The following OSBPL10 variants were observed in gnomAD, a reference collection of about 807,000 sequenced individuals.
OSBPL10 encodes oxysterol binding protein like 10, also known as oxysterol-binding protein-related protein 10.
OSBPL10 carries 49 observed loss-of-function variants against 81.7 expected under a neutral mutation model. The ratio of observed to expected loss-of-function variants is 0.60; its 90% CI spans 0.48 to 0.76. The LOEUF is 0.76. OSBPL10 is among the 30% of genes least tolerant of loss of function. The pLI is 0.00. For missense variants in OSBPL10, 923 were observed against 987.8 expected, an observed-to-expected ratio of 0.93 and a Z score of 0.88; for synonymous variants, 419 against 383.6, an observed-to-expected ratio of 1.09 and a Z score of -1.08.
intron 4 of OSBPL10, among the ~76,000 whole-genome samples, chr3:31,791,156 T>G (rs546496292): frequency 1.3e-5 from 2 of 152,344 alleles, no homozygotes; most frequent in South Asian, 4.1e-4. Context: ...GAAGTGTCAT[T>G]TTAAACACTG....
intron 1 of OSBPL10, among the ~76,000 whole-genome samples, chr3:31,883,837 A>G (rs962083019): frequency 6.6e-6 from 1 of 152,224 alleles, no homozygotes; most frequent in Non-Finnish European, 1.5e-5. Flanking sequence ...TGCCACTCTT[A>G]CACAAAGGTA....
chr3:32,068,645 A>G (rs1250527425), intron 1 of OSBPL10, among the ~76,000 whole-genome samples: 1 of 152,058 alleles, frequency 6.6e-6, no homozygotes, highest in Non-Finnish European at 1.5e-5. Context: ...GGCACTTTTG[A>G]TTTCTCCATC....
chr3:31,722,977 C>T (rs1696694480), intron 6 of OSBPL10, among the ~76,000 whole-genome samples: 1 of 152,088 alleles, frequency 6.6e-6, no homozygotes, highest in Non-Finnish European at 1.5e-5. Context: ...TTGGAGCAAT[C>T]TAAAGAGCAC....
chr3:32,019,888 T>G (rs1296815393), intron 2 of OSBPL10, among the ~76,000 whole-genome samples: 1 of 152,212 alleles, frequency 6.6e-6, no homozygotes, highest in Non-Finnish European at 1.5e-5. Context: ...ATATAAAGTA[T>G]AACTATCAAT....
intron 11 of OSBPL10, 49 bp downstream of exon 11, chr3:31,664,030 G>A: frequency 6.2e-7 from 1 of 1,614,036 alleles, no homozygotes; most frequent in East Asian, 2.2e-5. Context: ...TACCCTCTCA[G>A]GACAAGTTCT....
chr3:31,926,839 G>C (rs147734551), intron 1 of OSBPL10, among the ~76,000 whole-genome samples: 131 of 152,342 alleles, frequency 8.6e-4, no homozygotes, highest in African/African-American at 2.9e-3. Context: ...GCCGGGCATG[G>C]TGGCTCATGC....
rs140809024 is a variant in OSBPL10 at position 31,732,917 on chromosome 3, G to C, written c.1095+340C>G. 1.1e-3 allele frequency: 317 copies of C among 300,276 alleles called. 2 individuals are homozygous for C. Among genetic ancestry groups the C allele is most frequent in the East Asian group, 5.9e-4 (5 of 8,528 alleles). The allele number at this position is 300,276 out of a possible 1,614,324, so 18.6% of individuals were successfully genotyped here. ...CGAAGAAGCCATTATTCAGGGGAGC[G>C]ACATAATATATTGTAACTGCTCCCA... is the stretch of plus-strand genomic sequence containing the variant. On this transcript the variant is annotated intron_variant, in intron 6 of 11. Coordinates refer to ENST00000396556, the MANE Select transcript of OSBPL10 (RefSeq NM_017784.5).
chr3:31,700,900 T>C (rs989199995), intron 7 of OSBPL10, among the ~76,000 whole-genome samples: 2 of 152,118 alleles, frequency 1.3e-5, no homozygotes, highest in African/African-American at 2.4e-5. Flanking sequence ...TCGTCATAGC[T>C]TGGTGTGCAA....
chr3:31,667,610 G>C (rs1375748137), intron 10 of OSBPL10, among the ~76,000 whole-genome samples: 1 of 152,202 alleles, frequency 6.6e-6, no homozygotes, highest in African/African-American at 2.4e-5. Flanking sequence ...TTTCTAAAGA[G>C]TGTATGCTCT....
At chr3:31,850,284 C>T (rs754583613) in intron 3 of OSBPL10, among the ~76,000 whole-genome samples, 3 of 151,714 alleles carry the variant, frequency 2.0e-5, no homozygotes, top group African/African-American at 4.8e-5. Context: ...CAGTGAGCTA[C>T]GATCATACCA....
intron 4 of OSBPL10, among the ~76,000 whole-genome samples, chr3:31,749,604 C>T (rs973011504): frequency 2.0e-5 from 3 of 152,064 alleles, no homozygotes; most frequent in African/African-American, 7.2e-5. Flanking sequence ...CACCTGAGGT[C>T]AGGAGCTCGA....
chr3:31,980,281 G>A (rs1575075150), intron 1 of OSBPL10, among the ~76,000 whole-genome samples: 1 of 152,028 alleles, frequency 6.6e-6, no homozygotes, highest in African/African-American at 2.4e-5. Context: ...GGATTACAGA[G>A]GTGAGCCACC....
intron 5 of OSBPL10, among the ~76,000 whole-genome samples, chr3:31,733,837 C>T (rs1303006131): frequency 6.6e-6 from 1 of 151,592 alleles, no homozygotes; most frequent in East Asian, 1.9e-4. Flanking sequence ...GGTGAAACTC[C>T]ATCTCTACTA....
intron 4 of OSBPL10, among the ~76,000 whole-genome samples, chr3:31,769,421 G>A (rs1405189617): frequency 9.9e-6 from 1 of 100,932 alleles, no homozygotes; most frequent in African/African-American, 3.5e-5. Context: ...CTCCAGCCTG[G>A]GCAACAAGAG....
At chr3:32,022,510 G>C (rs1381387328) in intron 2 of OSBPL10, among the ~76,000 whole-genome samples, 1 of 152,206 alleles carries the variant, frequency 6.6e-6, no homozygotes, top group African/African-American at 2.4e-5. Flanking sequence ...TTGAGGCCTG[G>C]CATGGTGGCT....
At chr3:31,933,226 C>G (rs1384819962) in intron 1 of OSBPL10, among the ~76,000 whole-genome samples, 1 of 152,112 alleles carries the variant, frequency 6.6e-6, no homozygotes, top group Non-Finnish European at 1.5e-5. Flanking sequence ...ATGAATAGAG[C>G]ACCAGTCCTG....
chr3:31,959,550 C>A (rs9847800), intron 1 of OSBPL10, among the ~76,000 whole-genome samples: 94,256 of 152,006 alleles, frequency 0.62, 30,931 homozygotes, highest in African/African-American at 0.84. Context: ...GCAGCTAATA[C>A]ATAAGCCAGA....
intron 3 of OSBPL10, among the ~76,000 whole-genome samples, chr3:31,840,968 G>C (rs1700478744): frequency 6.6e-6 from 1 of 152,202 alleles, no homozygotes. Flanking sequence ...GAGTGCAATG[G>C]CGTGATCTCG....
rs186062103 is a variant in OSBPL10 at position 32,077,287 on chromosome 3, C to T, written n.185+109G>A. On this transcript the variant is annotated intron_variant and non_coding_transcript_variant, in intron 1 of 3. Coordinates refer to the OSBPL10 transcript ENST00000479173. ...TGGATGTTTCACTGTCATCTAAACT[C>T]TGCTCTGAGAGTGCCTGTGCTAATG... 4.6e-5 allele frequency: 7 copies of T among 152,304 alleles called. No individual in the cohort carries two copies. The East Asian group carries it at 1.4e-3, about 29-fold the overall frequency. The allele number at this position is 152,304 out of a possible 1,614,324, so 9.4% of individuals were successfully genotyped here.
Sources: gnomAD v4.1 joint callset for allele counts (sites outside exome capture counted in the v4.1 genomes callset) on GRCh38, gnomAD v4.1.1 for gene constraint, MANE v1.5 for transcripts, NCBI Gene and HGNC (gene_info 2026-07-23, HGNC 2026-07-21) for gene names.